The following NCAM2 variants were observed in gnomAD, a reference collection of about 807,000 sequenced individuals.
The protein encoded by NCAM2 is N-CAM-2.
A neutral mutation model predicts 98.1 loss-of-function variants in NCAM2; 30 were observed. The ratio of observed to expected loss-of-function variants is 0.31; its 90% CI spans 0.23 to 0.41. The LOEUF (loss-of-function observed/expected upper bound fraction) is 0.41. Among genes scored for constraint, NCAM2 ranks in the 10% least tolerant of loss-of-function variants. NCAM2 has a pLI of 1.00. For missense variants in NCAM2, 867 were observed against 1,005.8 expected, an observed-to-expected ratio of 0.86 and a Z score of 1.87; for synonymous variants, 368 against 342.4, an observed-to-expected ratio of 1.07 and a Z score of -0.83.
chr21:21,173,840 G>A (rs1250077459), intron 1 of NCAM2, among the ~76,000 whole-genome samples: 1 of 152,176 alleles, frequency 6.6e-6, no homozygotes, highest in Non-Finnish European at 1.5e-5. Context: ...TAAAGATTCT[G>A]TGTGGCATAA....
chr21:21,517,309 G>A (rs1424645885), intron 16 of NCAM2, among the ~76,000 whole-genome samples: 1 of 151,810 alleles, frequency 6.6e-6, no homozygotes, highest in Non-Finnish European at 1.5e-5. Flanking sequence ...TCATTTCTTA[G>A]CATTGTTTTA....
At chr21:21,365,231 C>G (rs796496691) in intron 8 of NCAM2, among the ~76,000 whole-genome samples, 66 of 65,122 alleles carry the variant, frequency 1.0e-3, no homozygotes, top group African/African-American at 3.4e-3. Context: ...CTAATTATTG[C>G]TTAGTGCGTG....
At chr21:21,267,755 A>C (rs2072341561) in intron 1 of NCAM2, among the ~76,000 whole-genome samples, 2 of 152,170 alleles carry the variant, frequency 1.3e-5, no homozygotes, top group African/African-American at 4.8e-5. Flanking sequence ...GATTATTTAC[A>C]ATGTGTCAAA....
intron 6 of NCAM2, among the ~76,000 whole-genome samples, chr21:21,334,328 A>C (rs891517289): frequency 3.3e-5 from 5 of 152,194 alleles, no homozygotes; most frequent in Non-Finnish European, 7.3e-5. Context: ...TGTCATGAGA[A>C]ACTGGAACAA....
At chr21:21,314,226 A>G (rs2074147797) in intron 5 of NCAM2, among the ~76,000 whole-genome samples, 1 of 152,116 alleles carries the variant, frequency 6.6e-6, no homozygotes, top group East Asian at 1.9e-4. Flanking sequence ...TAGAAATTGT[A>G]ATAGTTTTCC....
intron 1 of NCAM2, among the ~76,000 whole-genome samples, chr21:21,072,005 C>T (rs2065581915): frequency 1.3e-5 from 2 of 151,976 alleles, no homozygotes; most frequent in East Asian, 1.9e-4. Context: ...CTCCGCCTCC[C>T]GGGTTCACGC....
chr21:21,412,913 CAT>C (rs1367295180), intron 10 of NCAM2, among the ~76,000 whole-genome samples: 1 of 151,928 alleles, frequency 6.6e-6, no homozygotes, highest in African/African-American at 2.4e-5. Flanking sequence ...TTGTAAAAGT[CAT>C]ATATGTGCTA....
chr21:21,023,547 A>C (rs1196466579), intron 1 of NCAM2, among the ~76,000 whole-genome samples: 1 of 151,826 alleles, frequency 6.6e-6, no homozygotes, highest in Non-Finnish European at 1.5e-5. Context: ...AGAAGAAGGA[A>C]TATTGAAATT....
Position 21,530,157 on chromosome 21 carries a change from GATTTA to G in NCAM2, c.2283-4366_2283-4362del, listed in dbSNP as rs1402340044. On this transcript the variant is annotated intron_variant, in intron 16 of 17. Coordinates refer to ENST00000400546, the MANE Select transcript of NCAM2 (RefSeq NM_004540.5). The stretch of plus-strand genomic sequence containing the variant: ...GATTTAATTTAATTTAATTATATAT[GATTTA>G]ATTTAATTTAATTATATATGATTTA... Among the ~76,000 whole-genome samples the G allele has an allele frequency of 8.6e-3, 1,067 of 124,216 alleles. 32 individuals are homozygous for G. The highest frequency in any genetic ancestry group is 0.012 in the Non-Finnish European group (677 of 57,830). 81.5% of individuals were successfully genotyped at this position (124,216 alleles called of 152,430 possible). A position where few individuals can be genotyped will look rare whatever the true frequency, so the allele number is the denominator to read the frequency against.
chr21:21,078,114 A>AG (rs1399037122), intron 1 of NCAM2, among the ~76,000 whole-genome samples: 2 of 152,158 alleles, frequency 1.3e-5, no homozygotes, highest in Non-Finnish European at 2.9e-5. Context: ...CTCACTTATA[A>AG]GGGGAGTTTA....
chr21:21,066,543 A>G (rs2065441835), intron 1 of NCAM2, among the ~76,000 whole-genome samples: 1 of 152,148 alleles, frequency 6.6e-6, no homozygotes, highest in Admixed American at 6.5e-5. Context: ...CTGTGGAAAC[A>G]CTGCTTGATC....
chr21:21,491,473 T>C (rs1986839630), intron 15 of NCAM2, among the ~76,000 whole-genome samples: 1 of 151,824 alleles, frequency 6.6e-6, no homozygotes, highest in South Asian at 2.1e-4. Context: ...TCTGTGCTTA[T>C]CCACTGCAAA....
chr21:21,407,407 C>T (rs1383108478), intron 9 of NCAM2, among the ~76,000 whole-genome samples: 1 of 152,280 alleles, frequency 6.6e-6, no homozygotes, highest in Middle Eastern at 3.4e-3. Flanking sequence ...ACTGATAATT[C>T]TGAGTAAAAT....
intron 1 of NCAM2, among the ~76,000 whole-genome samples, chr21:21,088,751 G>C (rs1342092692): frequency 1.3e-5 from 2 of 152,120 alleles, no homozygotes; most frequent in Non-Finnish European, 2.9e-5. Flanking sequence ...CCAGCACTTT[G>C]GGAGGCCGAG....
intron 1 of NCAM2, among the ~76,000 whole-genome samples, chr21:21,019,405 G>A (rs1349091527): frequency 6.6e-6 from 1 of 152,112 alleles, no homozygotes; most frequent in Non-Finnish European, 1.5e-5. Context: ...TGATTAAACA[G>A]CACGGAGTTT....
At chr21:21,433,722 G>A (rs1023085910) in intron 12 of NCAM2, among the ~76,000 whole-genome samples, 1 of 133,034 alleles carries the variant, frequency 7.5e-6, no homozygotes, top group African/African-American at 3.0e-5. Context: ...CAGCCTGGGC[G>A]ACAGAGCAAG....
chr21:21,503,660 C>T (rs1987782078), intron 15 of NCAM2, among the ~76,000 whole-genome samples: 1 of 151,816 alleles, frequency 6.6e-6, no homozygotes, highest in Admixed American at 6.6e-5. Context: ...TTGAATGAAG[C>T]TTGGATTCTC....
intron 12 of NCAM2, among the ~76,000 whole-genome samples, chr21:21,439,299 A>G (rs1003457404): frequency 6.6e-6 from 1 of 151,942 alleles, no homozygotes; most frequent in Non-Finnish European, 1.5e-5. Context: ...TTGTATTTTT[A>G]GTAGAGATGG....
chr21:21,103,126 T>C (rs1198248639), intron 1 of NCAM2, among the ~76,000 whole-genome samples: 3 of 151,984 alleles, frequency 2.0e-5, no homozygotes, highest in Non-Finnish European at 4.4e-5. Flanking sequence ...TCAGCAGCTG[T>C]AGAAAGTCCA....
Sources: allele counts gnomAD v4.1 joint callset (sites outside exome capture counted in the v4.1 genomes callset), GRCh38; gene constraint gnomAD v4.1.1; transcripts MANE v1.5; gene names NCBI Gene and HGNC (gene_info 2026-07-23, HGNC 2026-07-21).